FARP2: variants seen among roughly 807,000 people sequenced by gnomAD.
The protein encoded by FARP2 is FERM, ARH/RhoGEF and pleckstrin domain protein 2, also known as FERM, ARHGEF and pleckstrin domain-containing protein 2.
A neutral mutation model predicts 130.5 loss-of-function variants in FARP2; 111 were observed. The observed-to-expected ratio is 0.85, with a 90% CI of 0.73 to 1.00. The LOEUF is 1.00. Among genes scored for constraint, FARP2 ranks in the 50% least tolerant of loss-of-function variants. The probability of loss-of-function intolerance (pLI) is 0.00; values close to 1 mark genes in which losing one functional copy is unlikely to be tolerated. For missense variants in FARP2, 1,385 were observed against 1,346.3 expected, an observed-to-expected ratio of 1.03 and a Z score of -0.45; for synonymous variants, 504 against 516.9, an observed-to-expected ratio of 0.98 and a Z score of 0.34.
At chr2:241,439,094 C>A (rs554451516) in intron 12 of FARP2, among the ~76,000 whole-genome samples, 21 of 151,958 alleles carry the variant, frequency 1.4e-4, no homozygotes, top group Admixed American at 1.4e-3. Flanking sequence ...CAGCTCGTTG[C>A]AGCCTCAACC....
intron 3 of FARP2, among the ~76,000 whole-genome samples, chr2:241,404,171 C>T (rs1337853437): frequency 6.6e-6 from 1 of 152,216 alleles, no homozygotes; most frequent in Non-Finnish European, 1.5e-5. Flanking sequence ...ATAAAAGCAA[C>T]CTCTAATACA....
At position 241,491,646 on chromosome 2, in the gene FARP2, C is replaced by T. The variant is rs373471419; in HGVS notation, c.2754C>T (p.Ser918=). 5.6e-6 allele frequency: 9 copies of T among 1,612,432 alleles called. No individual in the cohort carries two copies. The East Asian group carries it at 6.7e-5, about 12-fold the overall frequency. Reference sequence around the variant, plus strand: ...ACGTGTGCTGGTACCGGAACACCAGCGTGTCCAGGGCAGACCACAGTGCAG... The same window carrying T: ...ACGTGTGCTGGTACCGGAACACCAGTGTGTCCAGGGCAGACCACAGTGCAG... ...TMHVCWYRNT[S]VSRADHSAAV... Residue 918 remains serine, a synonymous_variant, in exon 24 of 27, where the codon AGC becomes AGT. Transcript: ENST00000264042.
intron 2 of FARP2, among the ~76,000 whole-genome samples, chr2:241,401,554 A>G (rs1051457421): frequency 3.9e-5 from 6 of 152,052 alleles, no homozygotes; most frequent in Non-Finnish European, 8.8e-5. Context: ...TTTTGTAGAG[A>G]CAGGGTCTCT....
intron 2 of FARP2, among the ~76,000 whole-genome samples, chr2:241,376,628 G>A (rs2061542115): frequency 6.6e-6 from 1 of 152,328 alleles, no homozygotes; most frequent in Middle Eastern, 3.4e-3. Context: ...CCTGACCCGA[G>A]CCCACCATCA....
chr2:241,405,045 A>G (rs952340807), intron 4 of FARP2, among the ~76,000 whole-genome samples: 1 of 152,248 alleles, frequency 6.6e-6, no homozygotes, highest in Non-Finnish European at 1.5e-5. Context: ...CTTGCTTCAC[A>G]TTCGGAAATA....
chr2:241,449,731 G>T (rs1320046583), intron 13 of FARP2, among the ~76,000 whole-genome samples: 2 of 152,152 alleles, frequency 1.3e-5, no homozygotes, highest in African/African-American at 2.4e-5. Flanking sequence ...GGGCGCAGTG[G>T]CTCCCGCCTG....
chr2:241,469,387 T>C (rs1387190068), intron 18 of FARP2, among the ~76,000 whole-genome samples: 1 of 152,102 alleles, frequency 6.6e-6, no homozygotes, highest in Non-Finnish European at 1.5e-5. Flanking sequence ...ATGAGGAGGT[T>C]TTTACAAGTA....
At chr2:241,466,041 G>C in intron 17 of FARP2, 1 of 1,262,180 alleles carries the variant, frequency 7.9e-7, no homozygotes, top group Non-Finnish European at 1.0e-6. Context: ...TTATCATACT[G>C]TAGTCATCTT....
At chr2:241,411,963 C>T (rs1380947384) in intron 6 of FARP2, among the ~76,000 whole-genome samples, 1 of 152,188 alleles carries the variant, frequency 6.6e-6, no homozygotes, top group African/African-American at 2.4e-5. Context: ...GGCTGAAAGA[C>T]TTCTCAGGTA....
At chr2:241,464,310 G>T (rs2064110057) in intron 17 of FARP2, among the ~76,000 whole-genome samples, 1 of 151,320 alleles carries the variant, frequency 6.6e-6, no homozygotes, top group African/African-American at 2.4e-5. Context: ...TCAAAACAGG[G>T]TCCCCTCAGA....
intron 2 of FARP2, among the ~76,000 whole-genome samples, chr2:241,382,200 A>G (rs2061675856): frequency 6.6e-6 from 1 of 152,178 alleles, no homozygotes; most frequent in Non-Finnish European, 1.5e-5. Context: ...TTCAAAAATT[A>G]AACATTATAT....
chr2:241,371,167 G>A (rs2061416249), intron 1 of FARP2, among the ~76,000 whole-genome samples: 1 of 152,208 alleles, frequency 6.6e-6, no homozygotes, highest in Non-Finnish European at 1.5e-5. Context: ...AAGTCACTGA[G>A]AGCCTATTTG....
chr2:241,484,133 A>G lies in FARP2; in HGVS notation c.2332-109A>G, dbSNP rs79835904. ...CCCTTTCTGCCAAAAATCTCCAGCA[A>G]GCTGCACAGATCTGATGTCCACATG... On this transcript the variant is annotated intron_variant, in intron 20 of 26. Transcript: ENST00000264042. 0.024 allele frequency: 36,172 copies of G among 1,532,864 alleles called. 3,921 individuals are homozygous for G. In the Admixed American group the frequency reaches 0.3, roughly 13 times the overall value. 95.0% of individuals were successfully genotyped at this position (1,532,864 alleles called of 1,614,324 possible). A position where few individuals can be genotyped will look rare whatever the true frequency, so the allele number is the denominator to read the frequency against.
chr2:241,453,957 T>G (rs1356670635), intron 13 of FARP2, among the ~76,000 whole-genome samples: 1 of 57,388 alleles, frequency 1.7e-5, no homozygotes, highest in African/African-American at 5.4e-5. Context: ...CTAATTTTTG[T>G]ATTTTTTTAG....
chr2:241,424,692 AAT>A (rs78707076), intron 8 of FARP2, among the ~76,000 whole-genome samples: 5,061 of 152,252 alleles, frequency 0.033, 504 homozygotes, highest in Admixed American at 0.19. Flanking sequence ...AAATTAATAA[AAT>A]AGACTGCTAG....
At chr2:241,427,452 A>G (rs1197674151) in intron 8 of FARP2, among the ~76,000 whole-genome samples, 1 of 152,204 alleles carries the variant, frequency 6.6e-6, no homozygotes, top group Non-Finnish European at 1.5e-5. Flanking sequence ...AGAGCTCGGG[A>G]GACCAGCCTT....
In FARP2 at chr2:241,373,322, C is replaced by T. The variant is rs191934613; in HGVS notation, c.183+32C>T. On this transcript the variant is annotated intron_variant, in intron 2 of 26. Transcript: ENST00000264042. ...AGCATGATTTTTGGAGGCATATTTCCTTATATCTTCTAACAGTCAAATTAT... is the reference window on the plus strand; with the variant it reads ...AGCATGATTTTTGGAGGCATATTTCTTTATATCTTCTAACAGTCAAATTAT... The T allele has an allele frequency of 1.4e-5, 19 of 1,318,120 alleles. No homozygotes were observed. In the East Asian group the frequency reaches 5.3e-4, roughly 37 times the overall value. The allele number at this position is 1,318,120 out of a possible 1,614,324, so 81.7% of individuals were successfully genotyped here. A position where few individuals can be genotyped will look rare whatever the true frequency, so the allele number is the denominator to read the frequency against.
At position 241,382,292 on chromosome 2, in the gene FARP2, A is replaced by ATT. The variant is rs772855102; in HGVS notation, c.183+9021_183+9022dup. ...TTTTCAGTTTCTCTGTACAAAATCT[A>ATT]TTTTTTTTTTTTTTTTTTTTGAGGC... On this transcript the variant is annotated intron_variant, in intron 2 of 26. Coordinates refer to ENST00000264042, the MANE Select transcript of FARP2 (RefSeq NM_014808.4). Among the ~76,000 whole-genome samples the ATT allele has an allele frequency of 4.5e-3, 562 of 126,216 alleles. 11 individuals carry two copies. The highest frequency in any genetic ancestry group is 0.022 in the South Asian group (91 of 4,054). 82.8% of individuals were successfully genotyped at this position (126,216 alleles called of 152,430 possible).
Position 241,442,647 on chromosome 2 carries a change from AT to A in FARP2, c.1411+1100del, listed in dbSNP as rs1011765558. 169 of 333,800 alleles carry A rather than the reference AT, an allele frequency of 5.1e-4. 1 individual carries two copies. The highest frequency in any genetic ancestry group is 2.6e-3 in the African/African-American group (120 of 46,228). The allele number at this position is 333,800 out of a possible 1,614,324, so 20.7% of individuals were successfully genotyped here. A position where few individuals can be genotyped will look rare whatever the true frequency, so the allele number is the denominator to read the frequency against. ...CTTTCATTTCATGGATAGATATTCA[AT>A]TTTTTTTTAATTTCCTGATTTATTA... On this transcript the variant is annotated intron_variant, in intron 13 of 26. Coordinates refer to ENST00000264042, the MANE Select transcript of FARP2 (RefSeq NM_014808.4).
Sources: gnomAD v4.1 joint callset for allele counts (sites outside exome capture counted in the v4.1 genomes callset) on GRCh38, gnomAD v4.1.1 for gene constraint, MANE v1.5 for transcripts, NCBI Gene and HGNC (gene_info 2026-07-23, HGNC 2026-07-21) for gene names.